Variants in PRKD2 observed in about 807,000 individuals in gnomAD.
PRKD2 encodes the protein serine/threonine-protein kinase D2.
A neutral mutation model predicts 86.0 loss-of-function variants in PRKD2; 22 were observed. The observed-to-expected ratio is 0.26, with a 90% CI of 0.18 to 0.37. The LOEUF is 0.37. Among genes scored for constraint, PRKD2 ranks in the 10% least tolerant of loss-of-function variants. PRKD2 has a pLI of 1.00. For missense variants in PRKD2, 818 were observed against 1,199.2 expected, an observed-to-expected ratio of 0.68 and a Z score of 4.70; for synonymous variants, 509 against 510.9, an observed-to-expected ratio of 1.00 and a Z score of 0.05.
chr19:46,704,158 G>A lies in PRKD2; in HGVS notation c.889+11C>T, dbSNP rs758750493. On this transcript the variant is annotated intron_variant, in intron 5 of 17. Coordinates refer to ENST00000291281, the MANE Select transcript of PRKD2 (RefSeq NM_016457.5). ...TGACCCTGTCTGTCCTCCCCGACAGGCCCAGCTAACCTTTGCATTGCAGGC... is the reference window on the plus strand; with the variant it reads ...TGACCCTGTCTGTCCTCCCCGACAGACCCAGCTAACCTTTGCATTGCAGGC... 3.7e-6 allele frequency: 6 copies of A among 1,613,360 alleles called. No homozygotes were observed. In the East Asian group the frequency reaches 8.9e-5, roughly 24 times the overall value.
rs922207769 is a variant in PRKD2 at position 46,711,715 on chromosome 19, T to C, written c.380-677A>G. ...GCCTAAAATAGTAATTTTTATGTTA[T>C]GTATATTTTACCAAATTAAAAAATT... On this transcript the variant is annotated intron_variant, in intron 2 of 17. Transcript: ENST00000291281. Among the ~76,000 whole-genome samples the C allele has an allele frequency of 4.6e-5, 7 of 152,264 alleles. No homozygotes were observed. The South Asian group carries it at 1.0e-3, about 23-fold the overall frequency.
chr19:46,681,417 G>A (rs1179471075), intron 15 of PRKD2, among the ~76,000 whole-genome samples: 1 of 151,670 alleles, frequency 6.6e-6, no homozygotes, highest in Non-Finnish European at 1.5e-5. Flanking sequence ...ACCATTCCCG[G>A]CTATTTTTTT....
At position 46,694,033 on chromosome 19, in the gene PRKD2, T is replaced by C. The variant is rs902275668; in HGVS notation, c.1418A>G (p.Asn473Ser). Residue 473 changes from asparagine to serine, a missense_variant, in exon 10 of 18, where the codon AAT becomes AGT. Around this residue, in one of 5 missense-constraint regions of PRKD2, gnomAD observed 127 missense variants for 157.8 expected, o/e 0.80. Coordinates refer to ENST00000291281, the MANE Select transcript of PRKD2 (RefSeq NM_016457.5). ...CATCTCGCCCACGAAGTAGGTGGCATTGGCAGTGACGATCTCAAAGCAGTG... is the reference window on the plus strand; with the variant it reads ...CATCTCGCCCACGAAGTAGGTGGCACTGGCAGTGACGATCTCAAAGCAGTG... ...NPHCFEIVTA[N>S]ATYFVGEMPG... The C allele has an allele frequency of 1.1e-5, 17 of 1,614,140 alleles. No homozygotes were observed. The highest frequency in any genetic ancestry group is 4.5e-5 in the East Asian group (2 of 44,886).
At chr19:46,699,043 C>T (rs908036844) in intron 7 of PRKD2, among the ~76,000 whole-genome samples, 2 of 152,112 alleles carry the variant, frequency 1.3e-5, no homozygotes, top group African/African-American at 2.4e-5. Flanking sequence ...AACACTCTGT[C>T]GTCACTGTGA....
intron 2 of PRKD2, among the ~76,000 whole-genome samples, chr19:46,713,361 CAGTT>C (rs775244702): frequency 6.6e-6 from 1 of 151,790 alleles, no homozygotes; most frequent in Non-Finnish European, 1.5e-5. Context: ...ATAACACAGT[CAGTT>C]ACAGATCCAA....
At chr19:46,701,008 C>T (rs1434240692) in intron 6 of PRKD2, 27 bp downstream of exon 6, 5 of 1,614,114 alleles carry the variant, frequency 3.1e-6, no homozygotes, top group Non-Finnish European at 4.2e-6. Flanking sequence ...CTTCCCCTTT[C>T]TCCCCAGCAT....
rs769789721 is a variant in PRKD2, at chr19:46,674,572, G to T, written c.2588C>A (p.Pro863Gln). 2 of 1,606,144 alleles carry T rather than the reference G, an allele frequency of 1.2e-6. No homozygotes were observed. Among genetic ancestry groups the T allele is most frequent in the Admixed American group, 3.4e-5 (2 of 59,460 alleles). The change falls in exon 18 of 18, where the codon CCA becomes CAA. Residue 863 changes from proline (P) to glutamine (Q), a missense_variant. By Grantham distance (76) the Pro-to-Gln change is moderately conservative (BLOSUM62 -1). Coordinates refer to ENST00000291281, the MANE Select transcript of PRKD2 (RefSeq NM_016457.5). Reference sequence around the variant, plus strand: ...CAGCCCCTGCATGTCGTGGTCCTGTGGTGGACAGGCCCCACCGAGATCCCT... The same window carrying T: ...CAGCCCCTGCATGTCGTGGTCCTGTTGTGGACAGGCCCCACCGAGATCCCT... The part of the protein sequence containing the change: ...TDRDLGGACP[P>Q]QDHDMQGLAE...
intron 2 of PRKD2, 44 bp downstream of exon 2, chr19:46,713,819 C>A: frequency 7.6e-7 from 1 of 1,321,568 alleles, no homozygotes; most frequent in Non-Finnish European, 1.0e-6. Flanking sequence ...AGATGCCCCG[C>A]CCCCACCCGA....
At chr19:46,677,995 G>A (rs553589124) in intron 16 of PRKD2, among the ~76,000 whole-genome samples, 5 of 152,114 alleles carry the variant, frequency 3.3e-5, no homozygotes, top group East Asian at 1.9e-4. Context: ...TTTTGGGGTC[G>A]TAAACCCAAA....
At chr19:46,683,625 G>A (rs185298284) in intron 14 of PRKD2, among the ~76,000 whole-genome samples, 363 of 152,214 alleles carry the variant, frequency 2.4e-3, no homozygotes, top group African/African-American at 8.3e-3. Context: ...GGCTGAGGCA[G>A]GAAAATCGCT....
Position 46,684,059 on chromosome 19 carries a change from G to A in PRKD2, c.1972-2311C>T, listed in dbSNP as rs190552917. Among the ~76,000 whole-genome samples, 109 of 151,854 alleles carry A rather than the reference G, an allele frequency of 7.2e-4. 1 individual carries two copies. Among genetic ancestry groups the A allele is most frequent in the South Asian group, 1.9e-3 (9 of 4,806 alleles). On this transcript the variant is annotated intron_variant, in intron 14 of 17. Coordinates refer to ENST00000291281, the MANE Select transcript of PRKD2 (RefSeq NM_016457.5). ...TACAACTGCAATTATTATCTGTCTC[G>A]GAGTTTAAATACTTGTGTATCTGTC... is the stretch of plus-strand genomic sequence containing the variant.
At position 46,704,248 on chromosome 19, in the gene PRKD2, G is replaced by C. The variant is rs778689797; in HGVS notation, c.810C>G (p.His270Gln). 73 of 1,614,112 alleles carry C rather than the reference G, an allele frequency of 4.5e-5. No homozygotes were observed. Among genetic ancestry groups the C allele is most frequent in the Non-Finnish European group, 6.2e-5 (73 of 1,180,048 alleles). ...KVKVPHTFLI[H>Q]SYTRPTVCQA... ...GGCAAACGGTGGGCCGTGTATAGCT[G>C]TGGATGAGGAAGGTGTGCGGCACCT... is the stretch of plus-strand genomic sequence containing the variant. Residue 270 changes from histidine to glutamine, a missense_variant, in exon 5 of 18, where the codon CAC (histidine) becomes CAG (glutamine). By Grantham distance (24) the His-to-Gln change is conservative. Transcript: ENST00000291281.
chr19:46,710,811 C>T, intron 3 of PRKD2, 96 bp downstream of exon 3: 2 of 1,319,756 alleles, frequency 1.5e-6, no homozygotes, highest in Non-Finnish European at 2.0e-6. Context: ...GAGACCCGCT[C>T]CTCCTCCCCA....
intron 14 of PRKD2, chr19:46,685,685 A>G (rs1162564370): frequency 6.6e-6 from 1 of 152,342 alleles, no homozygotes; most frequent in Non-Finnish European, 1.5e-5. Context: ...ACGATGGCTC[A>G]TGCCTGTAAT....
At chr19:46,686,565 T>C (rs1357663207) in intron 14 of PRKD2, among the ~76,000 whole-genome samples, 1 of 151,322 alleles carries the variant, frequency 6.6e-6, no homozygotes, top group African/African-American at 2.4e-5. Flanking sequence ...GATAGGAGAA[T>C]TGCTTCAGCC....
intron 13 of PRKD2, 94 bp downstream of exon 13, chr19:46,690,506 C>T (rs376207222): frequency 2.8e-6 from 3 of 1,079,718 alleles, no homozygotes; most frequent in Non-Finnish European, 4.2e-6. Context: ...CATGCACATG[C>T]CCTCCCCCAG....
intron 14 of PRKD2, among the ~76,000 whole-genome samples, chr19:46,682,340 A>G (rs936629728): frequency 6.6e-6 from 1 of 152,080 alleles, no homozygotes; most frequent in African/African-American, 2.4e-5. Context: ...TTTTTAGTAG[A>G]GACAGGGTTT....
chr19:46,680,214 C>T (rs908788217), intron 15 of PRKD2, among the ~76,000 whole-genome samples: 4 of 152,146 alleles, frequency 2.6e-5, no homozygotes, highest in Non-Finnish European at 2.9e-5. Flanking sequence ...GGTACTCTGC[C>T]CTTTCTACAG....
At position 46,716,100 on chromosome 19, in the gene PRKD2, C is replaced by G; in HGVS notation, c.240+31G>C. 1 of 1,604,068 alleles carries G rather than the reference C, an allele frequency of 6.2e-7. No homozygotes were observed. Among genetic ancestry groups the G allele is most frequent in the Non-Finnish European group, 8.5e-7 (1 of 1,176,022 alleles). On this transcript the variant is annotated intron_variant, in intron 1 of 17. Coordinates refer to ENST00000291281, the MANE Select transcript of PRKD2 (RefSeq NM_016457.5). This position sits in a 1 kb window ranked among gnomAD's most constrained non-coding sequence, Gnocchi z 7.9. ...AGCGCCCCCTCCTTCAACCTCTCCC[C>G]GAGCTGGATCCAGGGAGCCTGCGCC... is the stretch of plus-strand genomic sequence containing the variant.
Sources: allele counts gnomAD v4.1 joint callset (sites outside exome capture counted in the v4.1 genomes callset), GRCh38; gene constraint gnomAD v4.1.1; regional missense constraint gnomAD v4.1.1; non-coding constraint Gnocchi (gnomAD v3.1); transcripts MANE v1.5; gene names NCBI Gene and HGNC (gene_info 2026-07-23, HGNC 2026-07-21).